The following SLCO6A1 variants were observed in gnomAD, a reference collection of about 807,000 sequenced individuals.
SLCO6A1 encodes cancer/testis antigen 48.
SLCO6A1 carries 65 observed loss-of-function variants against 72.7 expected under a neutral mutation model. That is an observed-to-expected ratio of 0.89 (90% confidence interval 0.73 to 1.10). The LOEUF (loss-of-function observed/expected upper bound fraction) is 1.10, where lower values mean the gene tolerates loss of function less well. Among genes scored for constraint, SLCO6A1 ranks in the 50% least tolerant of loss-of-function variants. The pLI is 0.00. For missense variants in SLCO6A1, 874 were observed against 872.6 expected (o/e 1.00, Z -0.02); for synonymous variants, 314 against 298.2 (o/e 1.05, Z -0.55).
chr5:102,391,102 G>C, intron 10 of SLCO6A1, 57 bp from the exon 11 acceptor site: 1 of 1,453,888 alleles, frequency 6.9e-7, no homozygotes, highest in Non-Finnish European at 9.6e-7. Flanking sequence ...CACTAAGAAT[G>C]TATGCTAGAT....
At chr5:102,428,281 A>C (rs1749028068) in intron 7 of SLCO6A1, among the ~76,000 whole-genome samples, 1 of 152,140 alleles carries the variant, frequency 6.6e-6, no homozygotes, top group African/African-American at 2.4e-5. Flanking sequence ...GGCTTCTAGC[A>C]GTTGTGAAAA....
In SLCO6A1 at chr5:102,419,882, A is replaced by T. The variant is rs74858020; in HGVS notation, c.1416T>A (p.Ile472=). 6.8e-5 allele frequency: 109 copies of T among 1,607,896 alleles called. No individual in the cohort carries two copies. In the East Asian group the frequency reaches 2.3e-3, roughly 33 times the overall value. ...GCACTGGATTACAGCGTACAAAAAT[A>T]ATAAACACAAGCAGTATAAGTGATA... is the stretch of plus-strand genomic sequence containing the variant. ...SVISLILLVF[I]IFVRCNPVQF... Residue 472 remains isoleucine, a synonymous_variant, in exon 8 of 14, where the codon ATT becomes ATA. Transcript: ENST00000506729.
intron 9 of SLCO6A1, among the ~76,000 whole-genome samples, chr5:102,412,775 C>T (rs1304175720): frequency 1.4e-5 from 2 of 144,486 alleles, no homozygotes; most frequent in African/African-American, 2.6e-5. Flanking sequence ...AATAAACACA[C>T]ACCAAAAAAA....
At chr5:102,380,111 T>C (rs1489838281) in intron 12 of SLCO6A1, among the ~76,000 whole-genome samples, 5 of 152,034 alleles carry the variant, frequency 3.3e-5, no homozygotes, top group Non-Finnish European at 7.4e-5. Flanking sequence ...ATACATTGTG[T>C]TCCCTGATAT....
chr5:102,497,383 CTTTAT>C (rs1321103862), intron 1 of SLCO6A1, among the ~76,000 whole-genome samples: 7 of 152,154 alleles, frequency 4.6e-5, no homozygotes, highest in African/African-American at 1.7e-4. Context: ...CCGTTTTCAA[CTTTAT>C]TTTAAACTCC....
chr5:102,484,742 C>T (rs181286619), intron 1 of SLCO6A1, among the ~76,000 whole-genome samples: 1 of 152,136 alleles, frequency 6.6e-6, no homozygotes, highest in East Asian at 1.9e-4. Flanking sequence ...CATTTCCAAG[C>T]ATTTTTATGT....
chr5:102,419,871 C>T lies in SLCO6A1; in HGVS notation c.1427G>A (p.Arg476His), dbSNP rs201827417. 206 of 1,607,284 alleles carry T rather than the reference C, an allele frequency of 1.3e-4. No individual in the cohort carries two copies. The highest frequency in any genetic ancestry group is 1.6e-4 in the Non-Finnish European group (194 of 1,178,058). ...LILLVFIIFV[R>H]CNPVQFAGIN... is the part of the protein sequence containing the mutation. ...CCCAGCAAATTGCACTGGATTACAG[C>T]GTACAAAAATAATAAACACAAGCAG... The change falls in exon 8 of 14, where the codon CGC (arginine) becomes CAC (histidine). Residue 476 changes from arginine to histidine, a missense_variant. Transcript: ENST00000506729.
intron 6 of SLCO6A1, among the ~76,000 whole-genome samples, chr5:102,440,741 T>A (rs1046481662): frequency 6.6e-6 from 1 of 152,194 alleles, no homozygotes; most frequent in Non-Finnish European, 1.5e-5. Flanking sequence ...ATTGTTTTAA[T>A]CCACTAAGTT....
At chr5:102,478,441 C>A (rs1337666744) in intron 2 of SLCO6A1, among the ~76,000 whole-genome samples, 1 of 152,120 alleles carries the variant, frequency 6.6e-6, no homozygotes, top group African/African-American at 2.4e-5. Context: ...CTTTAACAAT[C>A]TTTATATTCA....
intron 4 of SLCO6A1, among the ~76,000 whole-genome samples, chr5:102,471,029 C>G (rs200062474): frequency 1.3e-5 from 2 of 151,956 alleles, no homozygotes; most frequent in Non-Finnish European, 2.9e-5. Context: ...GCTTTGTTTT[C>G]TCCTTTCTTG....
At chr5:102,420,338 T>C (rs1748525425) in intron 7 of SLCO6A1, among the ~76,000 whole-genome samples, 1 of 152,178 alleles carries the variant, frequency 6.6e-6, no homozygotes, top group Admixed American at 6.5e-5. Context: ...AGCTGTCTTA[T>C]TGAGATCTAT....
chr5:102,442,872 G>C (rs111736916), intron 6 of SLCO6A1, among the ~76,000 whole-genome samples: 2 of 146,186 alleles, frequency 1.4e-5, no homozygotes, highest in African/African-American at 4.8e-5. Flanking sequence ...GACCAGCCTG[G>C]CCAACATGGT....
At chr5:102,440,297 A>G (rs558294027) in intron 6 of SLCO6A1, among the ~76,000 whole-genome samples, 1 of 152,274 alleles carries the variant, frequency 6.6e-6, no homozygotes, top group Non-Finnish European at 1.5e-5. Flanking sequence ...GCAGGAGGTG[A>G]GTGGCAGGCG....
chr5:102,423,335 GAA>G (rs1748711131), intron 7 of SLCO6A1, among the ~76,000 whole-genome samples: 1 of 152,028 alleles, frequency 6.6e-6, no homozygotes, highest in Non-Finnish European at 1.5e-5. Flanking sequence ...TGGCAAATTG[GAA>G]AAACAGTCAA....
At chr5:102,452,683 G>C (rs1750482699) in intron 6 of SLCO6A1, among the ~76,000 whole-genome samples, 1 of 152,118 alleles carries the variant, frequency 6.6e-6, no homozygotes, top group African/African-American at 2.4e-5. Context: ...AAGAAACATG[G>C]TAAGAGTAGA....
chr5:102,384,244 T>C (rs915988628), intron 12 of SLCO6A1, among the ~76,000 whole-genome samples: 5 of 151,956 alleles, frequency 3.3e-5, no homozygotes, highest in African/African-American at 1.2e-4. Flanking sequence ...TGTTCTTTTG[T>C]TTCCCTTGCC....
intron 4 of SLCO6A1, among the ~76,000 whole-genome samples, chr5:102,465,760 T>C (rs1175998249): frequency 6.6e-6 from 1 of 152,164 alleles, no homozygotes; most frequent in Non-Finnish European, 1.5e-5. Context: ...AGCACCTTGG[T>C]TGGAAAGAAT....
chr5:102,480,143 A>T, intron 2 of SLCO6A1, 34 bp downstream of exon 2: 1 of 1,540,712 alleles, frequency 6.5e-7, no homozygotes, highest in Non-Finnish European at 8.8e-7. Flanking sequence ...ATGAATATTG[A>T]TTTGATGTAT....
intron 9 of SLCO6A1, among the ~76,000 whole-genome samples, chr5:102,403,986 G>A (rs187026673): frequency 6.6e-6 from 1 of 151,626 alleles, no homozygotes; most frequent in Non-Finnish European, 1.5e-5. Context: ...AGTCATCTCT[G>A]AAAGGTTTAT....
Sources: gnomAD v4.1 joint callset for allele counts (sites outside exome capture counted in the v4.1 genomes callset) on GRCh38, gnomAD v4.1.1 for gene constraint, MANE v1.5 for transcripts, NCBI Gene and HGNC (gene_info 2026-07-23, HGNC 2026-07-21) for gene names.